Variants in CSMD1 observed in about 807,000 individuals in gnomAD.
CSMD1 encodes CUB and Sushi multiple domains 1.
Under a neutral mutation model 417.5 loss-of-function variants are expected in CSMD1, and 213 were observed. The observed-to-expected ratio is 0.51, with a 90% confidence interval of 0.46 to 0.57. The LOEUF is 0.57. Ranked by LOEUF, CSMD1 falls within the 20% of genes least tolerant of loss-of-function variation. CSMD1 has a pLI of 0.00. For synonymous variants in CSMD1, 2,862 were observed against 1,736.8 expected, an observed-to-expected ratio of 1.65 and a Z score of -16.11; for missense variants, 6,923 against 4,529.7, an observed-to-expected ratio of 1.53 and a Z score of -15.17.
intron 4 of CSMD1, among the ~76,000 whole-genome samples, chr8:4,008,163 T>A (rs1450563873): frequency 6.6e-6 from 1 of 152,186 alleles, no homozygotes; most frequent in Non-Finnish European, 1.5e-5. Context: ...CAAAACATTT[T>A]AAAAGGACAA....
intron 9 of CSMD1, among the ~76,000 whole-genome samples, chr8:3,579,178 G>A (rs1780918546): frequency 6.6e-6 from 1 of 152,120 alleles, no homozygotes; most frequent in South Asian, 2.1e-4. Flanking sequence ...TTCACAGAAT[G>A]ATAAATTGAA....
intron 5 of CSMD1, among the ~76,000 whole-genome samples, chr8:3,759,982 G>C (rs989066949): frequency 8.6e-5 from 13 of 151,480 alleles, no homozygotes; most frequent in South Asian, 2.1e-4. Context: ...CATTAATTCA[G>C]AGCGCACTGA....
intron 1 of CSMD1, among the ~76,000 whole-genome samples, chr8:4,915,621 G>C (rs906885800): frequency 1.3e-5 from 2 of 152,216 alleles, no homozygotes; most frequent in Non-Finnish European, 2.9e-5. Flanking sequence ...TGAACTCTGG[G>C]CTAGCAGTTC....
intron 11 of CSMD1, among the ~76,000 whole-genome samples, chr8:3,486,273 A>T (rs1818027109): frequency 6.6e-6 from 1 of 151,874 alleles, no homozygotes; most frequent in South Asian, 2.1e-4. Context: ...TTTTAAAACT[A>T]TTTTTTATCT....
chr8:4,863,731 G>A (rs1802267731), intron 1 of CSMD1, among the ~76,000 whole-genome samples: 2 of 151,960 alleles, frequency 1.3e-5, no homozygotes, highest in South Asian at 4.1e-4. Context: ...TTTGAAAAAT[G>A]TATACAATGT....
At chr8:4,721,183 C>G (rs1041333030) in intron 1 of CSMD1, among the ~76,000 whole-genome samples, 16 of 152,170 alleles carry the variant, frequency 1.1e-4, no homozygotes, top group African/African-American at 3.4e-4. Flanking sequence ...TATTGCGATC[C>G]ATATACTTTG....
At chr8:4,833,620 G>A (rs772295377) in intron 1 of CSMD1, among the ~76,000 whole-genome samples, 56 of 152,272 alleles carry the variant, frequency 3.7e-4, no homozygotes, top group Non-Finnish European at 6.6e-4. Flanking sequence ...GACTTTCTCC[G>A]CTGATACTGT....
At chr8:4,444,072 T>G (rs79949700) in intron 2 of CSMD1, among the ~76,000 whole-genome samples, 12,263 of 152,084 alleles carry the variant, frequency 0.081, 615 homozygotes, top group Non-Finnish European at 0.091. Flanking sequence ...CCTGGCACAG[T>G]AGCTCATGCC....
intron 2 of CSMD1, among the ~76,000 whole-genome samples, chr8:4,440,778 C>G (rs1037730610): frequency 3.9e-5 from 6 of 151,940 alleles, no homozygotes; most frequent in African/African-American, 1.5e-4. Flanking sequence ...AGCAGATCAC[C>G]TGAGGTCAGC....
intron 41 of CSMD1, among the ~76,000 whole-genome samples, chr8:3,139,065 T>C (rs1818282269): frequency 6.6e-6 from 1 of 152,038 alleles, no homozygotes; most frequent in Non-Finnish European, 1.5e-5. Context: ...CTTAGTGAGA[T>C]GGGGGCACTG....
intron 3 of CSMD1, among the ~76,000 whole-genome samples, chr8:4,185,866 G>C (rs933912793): frequency 1.3e-5 from 2 of 152,180 alleles, no homozygotes; most frequent in African/African-American, 4.8e-5. Context: ...CGTTCTTGTA[G>C]GCCTGAGTAC....
At chr8:3,867,753 C>T (rs1292883842) in intron 5 of CSMD1, among the ~76,000 whole-genome samples, 4 of 152,070 alleles carry the variant, frequency 2.6e-5, no homozygotes, top group Admixed American at 6.5e-5. Context: ...GGCACAGGAA[C>T]CCTCCTCCCA....
intron 1 of CSMD1, among the ~76,000 whole-genome samples, chr8:4,977,797 A>C (rs962020531): frequency 3.3e-5 from 5 of 152,270 alleles, no homozygotes; most frequent in Non-Finnish European, 7.3e-5. Flanking sequence ...GACATTTGGC[A>C]TACTGCAGCG....
intron 3 of CSMD1, among the ~76,000 whole-genome samples, chr8:4,189,796 G>C (rs930371943): frequency 6.6e-6 from 1 of 152,046 alleles, no homozygotes; most frequent in Non-Finnish European, 1.5e-5. Flanking sequence ...ATTTTATCTT[G>C]TTGCCATATA....
At chr8:4,888,372 T>C (rs1199465186) in intron 1 of CSMD1, among the ~76,000 whole-genome samples, 2 of 151,964 alleles carry the variant, frequency 1.3e-5, no homozygotes, top group South Asian at 2.1e-4. Flanking sequence ...TTTTAAAAAA[T>C]GAGGAGATAT....
rs143620707 is a variant in CSMD1 at position 3,832,303 on chromosome 8, G to T, written c.819-78261C>A. Among the ~76,000 whole-genome samples, 462 of 152,210 alleles carry T rather than the reference G, an allele frequency of 3.0e-3. 3 individuals are homozygous for T. Among genetic ancestry groups the T allele is most frequent in the African/African-American group, 0.011 (448 of 41,530 alleles). On this transcript the variant is annotated intron_variant, in intron 5 of 69. Coordinates refer to ENST00000635120, the MANE Select transcript of CSMD1 (RefSeq NM_033225.6). Reference sequence around the variant, plus strand: ...ACACGGGATTATTTTAATCTTTACCGTTAAAACGCAATGATGTTCCTTGTT... The same window carrying T: ...ACACGGGATTATTTTAATCTTTACCTTTAAAACGCAATGATGTTCCTTGTT...
intron 5 of CSMD1, among the ~76,000 whole-genome samples, chr8:3,959,143 A>G (rs1812157649): frequency 6.6e-6 from 1 of 152,216 alleles, no homozygotes; most frequent in Non-Finnish European, 1.5e-5. Context: ...TTACATATTT[A>G]AAAGCATAAT....
chr8:3,262,187 ATATATAT>A (rs1801120939), intron 26 of CSMD1, among the ~76,000 whole-genome samples: 601 of 46,784 alleles, frequency 0.013, 29 homozygotes, highest in African/African-American at 0.023. Context: ...TCATATGAAT[ATATATAT>A]ATATATATAT....
chr8:3,308,720 CCCTA>C (rs1034058439), intron 23 of CSMD1, among the ~76,000 whole-genome samples: 1 of 145,354 alleles, frequency 6.9e-6, no homozygotes, highest in Non-Finnish European at 1.5e-5. Context: ...ATTTGTTCCT[CCCTA>C]CTTACAAGTT....
Sources: gnomAD v4.1 joint callset for allele counts (sites outside exome capture counted in the v4.1 genomes callset) on GRCh38, gnomAD v4.1.1 for gene constraint, MANE v1.5 for transcripts, NCBI Gene and HGNC (gene_info 2026-07-23, HGNC 2026-07-21) for gene names.